ADGRL2: variants seen among roughly 807,000 people sequenced by gnomAD.
ADGRL2 encodes adhesion G protein-coupled receptor L2, also known as calcium-independent alpha-latrotoxin receptor 2.
ADGRL2 carries 44 observed loss-of-function variants against 157.4 expected under a neutral mutation model. The ratio of observed to expected loss-of-function variants is 0.28; its 90% CI spans 0.22 to 0.36. ADGRL2 has a LOEUF of 0.36. Ranked by LOEUF, ADGRL2 falls within the 10% of genes least tolerant of loss-of-function variation. The pLI is 1.00. For synonymous variants in ADGRL2, 585 were observed against 624.7 expected, an observed-to-expected ratio of 0.94 and a Z score of 0.95; for missense variants, 1,510 against 1,768.9, an observed-to-expected ratio of 0.85 and a Z score of 2.63.
chr1:81,881,469 C>G (rs540055128), intron 2 of ADGRL2, among the ~76,000 whole-genome samples: 14 of 152,344 alleles, frequency 9.2e-5, no homozygotes, highest in Non-Finnish European at 2.1e-4. Flanking sequence ...AGCCACCAAG[C>G]CTGGTCGTAC....
intron 2 of ADGRL2, among the ~76,000 whole-genome samples, chr1:81,890,604 C>T (rs2094235984): frequency 1.3e-5 from 2 of 151,948 alleles, no homozygotes; most frequent in African/African-American, 4.8e-5. Flanking sequence ...AAAATGTATG[C>T]AATATATAGG....
chr1:81,635,041 C>T (rs79079694), intron 3 of ADGRL2, among the ~76,000 whole-genome samples: 3,678 of 152,212 alleles, frequency 0.024, 280 homozygotes, highest in East Asian at 0.22. Context: ...TTATACTCAA[C>T]CAGTGAGATA....
At chr1:81,370,173 T>C (rs1172119548) in intron 1 of ADGRL2, among the ~76,000 whole-genome samples, 1 of 152,172 alleles carries the variant, frequency 6.6e-6, no homozygotes, top group Non-Finnish European at 1.5e-5. Context: ...CTTAATAATG[T>C]TTCCATACAT....
At chr1:81,813,294 T>C (rs1304890626) in intron 1 of ADGRL2, among the ~76,000 whole-genome samples, 1 of 151,748 alleles carries the variant, frequency 6.6e-6, no homozygotes, top group African/African-American at 2.4e-5. Flanking sequence ...ATTTCTCTTA[T>C]TTTATCAAGT....
intron 1 of ADGRL2, among the ~76,000 whole-genome samples, chr1:81,321,399 C>G (rs1173382558): frequency 6.6e-6 from 1 of 152,174 alleles, no homozygotes; most frequent in Non-Finnish European, 1.5e-5. Context: ...GTGCAAGAGG[C>G]CTATGGCTCA....
At chr1:81,867,739 A>T (rs1384497072) in intron 2 of ADGRL2, among the ~76,000 whole-genome samples, 1 of 152,224 alleles carries the variant, frequency 6.6e-6, no homozygotes, top group Admixed American at 6.5e-5. Flanking sequence ...AGAATAAGTA[A>T]TATTCAAAAA....
chr1:81,593,637 A>G (rs1021375782), intron 3 of ADGRL2, among the ~76,000 whole-genome samples: 1 of 152,108 alleles, frequency 6.6e-6, no homozygotes, highest in Non-Finnish European at 1.5e-5. Context: ...TCTTATTCCT[A>G]TGCTTTGAAA....
At chr1:81,553,195 G>A (rs1417507123) in intron 2 of ADGRL2, among the ~76,000 whole-genome samples, 3 of 152,050 alleles carry the variant, frequency 2.0e-5, no homozygotes, top group Admixed American at 1.3e-4. Flanking sequence ...GTATTGAATT[G>A]ATAAAAAATT....
At chr1:81,505,785 T>C (rs1046247574) in intron 2 of ADGRL2, among the ~76,000 whole-genome samples, 4 of 148,664 alleles carry the variant, frequency 2.7e-5, no homozygotes, top group African/African-American at 9.9e-5. Context: ...AACCTAGAAC[T>C]GAGAAAAATC....
At chr1:81,434,049 T>A (rs2077368177) in intron 1 of ADGRL2, among the ~76,000 whole-genome samples, 1 of 152,162 alleles carries the variant, frequency 6.6e-6, no homozygotes, top group Admixed American at 6.5e-5. Context: ...GCCAGTTCAT[T>A]TAAAGGCTAA....
intron 2 of ADGRL2, among the ~76,000 whole-genome samples, chr1:81,454,035 C>A (rs1450604243): frequency 6.6e-6 from 1 of 152,030 alleles, no homozygotes; most frequent in African/African-American, 2.4e-5. Context: ...CTTAAGGTGC[C>A]GGCAAATAAT....
chr1:81,818,259 G>C (rs1033773494), intron 1 of ADGRL2, among the ~76,000 whole-genome samples: 1 of 152,078 alleles, frequency 6.6e-6, no homozygotes, highest in African/African-American at 2.4e-5. Context: ...ACAATCTCTT[G>C]AAGTATGTTA....
At chr1:81,513,484 A>T (rs2079115952) in intron 2 of ADGRL2, among the ~76,000 whole-genome samples, 1 of 152,230 alleles carries the variant, frequency 6.6e-6, no homozygotes, top group Admixed American at 6.5e-5. Context: ...CACTCTGTGA[A>T]GTAAACAGTA....
chr1:81,646,131 GTTGT>G (rs1388177905), intron 3 of ADGRL2, among the ~76,000 whole-genome samples: 1 of 152,112 alleles, frequency 6.6e-6, no homozygotes, highest in African/African-American at 2.4e-5. Context: ...CCTTTGTGGG[GTTGT>G]TTGTTTTCAG....
upstream of ADGRL2, among the ~76,000 whole-genome samples, chr1:81,799,237 C>T (rs1049765225): frequency 1.4e-4 from 21 of 152,158 alleles, no homozygotes; most frequent in Non-Finnish European, 2.9e-4. Context: ...TTTATCCAGA[C>T]TAGTTTATAT....
chr1:81,847,781 CA>C (rs1364216082), intron 2 of ADGRL2, among the ~76,000 whole-genome samples: 9 of 151,766 alleles, frequency 5.9e-5, no homozygotes, highest in Non-Finnish European at 8.8e-5. Flanking sequence ...CATTTTAATA[CA>C]AATGTTTTAT....
intron 2 of ADGRL2, among the ~76,000 whole-genome samples, chr1:81,886,617 C>T (rs1420502423): frequency 6.6e-6 from 1 of 152,010 alleles, no homozygotes; most frequent in African/African-American, 2.4e-5. Context: ...CCCAAGTATT[C>T]CTGAAATGCT....
chr1:81,401,469 A>T (rs1337548068), intron 1 of ADGRL2, among the ~76,000 whole-genome samples: 1 of 152,066 alleles, frequency 6.6e-6, no homozygotes, highest in Non-Finnish European at 1.5e-5. Flanking sequence ...TCTGTTCTCT[A>T]TGTGGCCATG....
intron 2 of ADGRL2, among the ~76,000 whole-genome samples, chr1:81,868,094 T>A (rs1054977409): frequency 1.3e-5 from 2 of 150,538 alleles, no homozygotes; most frequent in East Asian, 2.0e-4. Flanking sequence ...TGTGTGTGTG[T>A]GATAAAAATT....
Sources: allele counts gnomAD v4.1 joint callset (sites outside exome capture counted in the v4.1 genomes callset), GRCh38; gene constraint gnomAD v4.1.1; transcripts MANE v1.5; gene names NCBI Gene and HGNC (gene_info 2026-07-23, HGNC 2026-07-21).